The following MAP3K9 variants were observed in gnomAD, a reference collection of about 807,000 sequenced individuals.
MAP3K9 encodes mixed lineage kinase 1 (tyr and ser/thr specificity).
A neutral mutation model predicts 95.8 loss-of-function variants in MAP3K9; 46 were observed. The ratio of observed to expected loss-of-function variants is 0.48; its 90% CI spans 0.38 to 0.61. The LOEUF (loss-of-function observed/expected upper bound fraction) is 0.61. Among genes scored for constraint, MAP3K9 ranks in the 20% least tolerant of loss-of-function variants. The pLI is 0.00. For synonymous variants in MAP3K9, 533 were observed against 593.8 expected, an observed-to-expected ratio of 0.90 and a Z score of 1.49; for missense variants, 1,296 against 1,474.3, an observed-to-expected ratio of 0.88 and a Z score of 1.98.
At chr14:70,732,017 G>A (rs1009344177) in intron 11 of MAP3K9, among the ~76,000 whole-genome samples, 1 of 152,184 alleles carries the variant, frequency 6.6e-6, no homozygotes. Context: ...GCCTGAAGAG[G>A]CAGGTATGAG....
intron 2 of MAP3K9, among the ~76,000 whole-genome samples, chr14:70,799,184 T>A (rs949411754): frequency 1.3e-5 from 2 of 150,512 alleles, no homozygotes; most frequent in Non-Finnish European, 3.0e-5. Context: ...TAATTTTTTT[T>A]AAGAGATGGG....
intron 2 of MAP3K9, among the ~76,000 whole-genome samples, chr14:70,799,917 C>T (rs561721462): frequency 1.3e-5 from 2 of 152,330 alleles, no homozygotes; most frequent in East Asian, 3.9e-4. Flanking sequence ...CAAGAGAGAG[C>T]ACAAACTACC....
rs550456665 is a variant in MAP3K9 at position 70,733,834 on chromosome 14, GT to G, written c.2027-493del. The G allele has an allele frequency of 2.2e-3, 1,553 of 717,892 alleles. 4 individuals are homozygous for G. Among genetic ancestry groups the G allele is most frequent in the Non-Finnish European group, 2.7e-3 (1,027 of 384,984 alleles). The allele number at this position is 717,892 out of a possible 1,614,324, so 44.5% of individuals were successfully genotyped here. A position where few individuals can be genotyped will look rare whatever the true frequency, so the allele number is the denominator to read the frequency against. The stretch of plus-strand genomic sequence containing the variant: ...GCAGGCAGAAAAAGGGGGATGCTCA[GT>G]TTGCTGAGCTTCCTCTCTCTGTTTC... On this transcript the variant is annotated intron_variant, in intron 10 of 11. Transcript: ENST00000554752.
At chr14:70,732,214 C>A (rs917219884) in intron 11 of MAP3K9, among the ~76,000 whole-genome samples, 2 of 152,298 alleles carry the variant, frequency 1.3e-5, no homozygotes, top group African/African-American at 4.8e-5. Context: ...AAGCTAGACT[C>A]CTGCCCTTCC....
intron 5 of MAP3K9, among the ~76,000 whole-genome samples, chr14:70,748,532 G>A (rs55698562): frequency 0.043 from 6,471 of 152,244 alleles, 163 homozygotes; most frequent in Admixed American, 0.062. Context: ...TCTTCTAGAA[G>A]TCTATTGTAG....
In MAP3K9 at chr14:70,801,052, G is replaced by T. The variant is rs187736203; in HGVS notation, c.435C>A (p.Thr145=). 30 of 1,611,586 alleles carry T rather than the reference G, an allele frequency of 1.9e-5. No homozygotes were observed. The highest frequency in any genetic ancestry group is 2.5e-5 in the Non-Finnish European group (29 of 1,178,016). Reference sequence around the variant, plus strand: ...CCCCGATGCCAATAATCTCTTCCAAGGTGAGCTCCGCAAAATCAATTTCTA... The same window carrying T: ...CCCCGATGCCAATAATCTCTTCCAATGTGAGCTCCGCAAAATCAATTTCTA... ...QLLEIDFAEL[T]LEEIIGIGGF... is the part of the protein sequence containing the mutation. The change falls in exon 2 of 12, where the codon ACC becomes ACA. Residue 145 remains threonine, a synonymous_variant. Transcript: ENST00000554752.
At chr14:70,744,493 C>G (rs531322405) in intron 5 of MAP3K9, among the ~76,000 whole-genome samples, 50 of 152,086 alleles carry the variant, frequency 3.3e-4, no homozygotes, top group Non-Finnish European at 4.0e-4. Context: ...TGCTCAAAAG[C>G]TAAGTGAGGC....
intron 2 of MAP3K9, among the ~76,000 whole-genome samples, chr14:70,761,907 A>C (rs570991937): frequency 6.6e-6 from 1 of 152,282 alleles, no homozygotes; most frequent in African/African-American, 2.4e-5. Context: ...CCATTAAGCA[A>C]TTATTCCCCA....
At chr14:70,773,569 T>G (rs1283877257) in intron 2 of MAP3K9, among the ~76,000 whole-genome samples, 1 of 152,222 alleles carries the variant, frequency 6.6e-6, no homozygotes, top group Non-Finnish European at 1.5e-5. Flanking sequence ...CTCCTTGTTC[T>G]GAGATGTAGC....
chr14:70,738,232 A>G lies in MAP3K9; in HGVS notation c.1844+13T>C. The G allele has an allele frequency of 1.2e-6, 2 of 1,600,178 alleles. No individual in the cohort carries two copies. Among genetic ancestry groups the G allele is most frequent in the Admixed American group, 1.7e-5 (1 of 57,590 alleles). ...TTCAAGAGAGAAAGAATTTCATGTC[A>G]TCTGGCACTTACCCTTCATCTCCCG... On this transcript the variant is annotated intron_variant, in intron 8 of 11. Transcript: ENST00000554752.
chr14:70,765,905 T>C (rs2054448410), intron 2 of MAP3K9, among the ~76,000 whole-genome samples: 2 of 152,086 alleles, frequency 1.3e-5, no homozygotes, highest in Non-Finnish European at 2.9e-5. Context: ...TCTCAGAATG[T>C]ATCCCTGCCA....
At chr14:70,753,305 A>G (rs2054254572) in intron 3 of MAP3K9, among the ~76,000 whole-genome samples, 1 of 152,222 alleles carries the variant, frequency 6.6e-6, no homozygotes, top group African/African-American at 2.4e-5. Context: ...ATGTAGAGCT[A>G]CAGTGTTGGT....
At chr14:70,760,865 G>T in intron 3 of MAP3K9, 137 bp downstream of exon 3, 1 of 828,424 alleles carries the variant, frequency 1.2e-6, no homozygotes, top group Non-Finnish European at 1.9e-6. Context: ...AATTGGCATA[G>T]ATGACTCTTG....
At chr14:70,806,298 T>C (rs1468161142) in intron 1 of MAP3K9, among the ~76,000 whole-genome samples, 2 of 152,260 alleles carry the variant, frequency 1.3e-5, no homozygotes, top group Non-Finnish European at 2.9e-5. Context: ...CTCCCTCATG[T>C]AACTTATAAG....
chr14:70,735,830 AC>A lies in MAP3K9; in HGVS notation c.1913+130del, dbSNP rs1247912274. 3 of 741,632 alleles carry A rather than the reference AC, an allele frequency of 4.0e-6. No individual in the cohort carries two copies. The African/African-American group carries it at 5.3e-5, about 13-fold the overall frequency. 45.9% of individuals were successfully genotyped at this position (741,632 alleles called of 1,614,324 possible). On this transcript the variant is annotated intron_variant, in intron 9 of 11. Transcript: ENST00000554752. ...CACAATGGTACTGCTTAAAACAAAA[AC>A]AAAAACAAAAAAGTCAGTTCAGCCC...
chr14:70,759,734 A>G (rs1221250089), intron 3 of MAP3K9, among the ~76,000 whole-genome samples: 1 of 152,162 alleles, frequency 6.6e-6, no homozygotes, highest in African/African-American at 2.4e-5. Context: ...CCTTTTAAAT[A>G]TACTAAAAAC....
At chr14:70,739,376 C>T (rs894575650) in intron 7 of MAP3K9, among the ~76,000 whole-genome samples, 3 of 152,012 alleles carry the variant, frequency 2.0e-5, no homozygotes, top group African/African-American at 4.8e-5. Context: ...ATGATCTGCC[C>T]GCCTCAGCCT....
rs17108442 is a variant in MAP3K9 at position 70,726,699 on chromosome 14, C to A, written c.*3681G>T. On this transcript the variant is annotated 3_prime_UTR_variant, in exon 12 of 12. Transcript: ENST00000554752. Reference sequence around the variant, plus strand: ...GTCATGCTCAACCACCTCCAAATCACTCCTCTTCCAGAAGCCAAAGGACGA... The same window carrying A: ...GTCATGCTCAACCACCTCCAAATCAATCCTCTTCCAGAAGCCAAAGGACGA... The A allele has an allele frequency of 6.6e-6, 1 of 152,370 alleles. No individual in the cohort carries two copies. The highest frequency in any genetic ancestry group is 6.5e-5 in the Admixed American group (1 of 15,292). The allele number at this position is 152,370 out of a possible 1,614,324, so 9.4% of individuals were successfully genotyped here.
chr14:70,769,873 G>A (rs1279141676), intron 2 of MAP3K9, among the ~76,000 whole-genome samples: 1 of 152,200 alleles, frequency 6.6e-6, no homozygotes, highest in African/African-American at 2.4e-5. Flanking sequence ...TGCAAAGATG[G>A]TATTTCCAAA....
Sources: gnomAD v4.1 joint callset for allele counts (sites outside exome capture counted in the v4.1 genomes callset) on GRCh38, gnomAD v4.1.1 for gene constraint, MANE v1.5 for transcripts, NCBI Gene and HGNC (gene_info 2026-07-23, HGNC 2026-07-21) for gene names.